ADGRG2: variants seen among roughly 807,000 people sequenced by gnomAD.
ADGRG2 encodes the protein G protein-coupled receptor 64.
ADGRG2 carries 26 observed loss-of-function variants against 74.1 expected under a neutral mutation model. The ratio of observed to expected loss-of-function variants is 0.35; its 90% CI spans 0.26 to 0.49. ADGRG2 has a LOEUF of 0.49. ADGRG2 is among the 20% of genes least tolerant of loss of function. The pLI is 0.99. For synonymous variants in ADGRG2, 296 were observed against 295.2 expected (o/e 1.00, Z -0.03); for missense variants, 619 against 763.1 (o/e 0.81, Z 2.22).
chrX:19,086,503 A>T (rs1262255786), intron 1 of ADGRG2, among the ~76,000 whole-genome samples: 1 of 111,469 alleles, frequency 9.0e-6, no homozygotes, highest in Non-Finnish European at 1.9e-5. Context: ...TAAAAAAGGC[A>T]GGCAGACTTT....
intron 1 of ADGRG2, among the ~76,000 whole-genome samples, chrX:19,107,136 C>T (rs146423516): frequency 2.7e-5 from 3 of 111,607 alleles, no homozygotes; most frequent in Admixed American, 9.5e-5. Context: ...GCAGCTCCCC[C>T]GCCCCAACAG....
In ADGRG2 at chrX:19,030,860, C is replaced by T. The variant is rs1356951966; in HGVS notation, c.358+124G>A. ...GTTTTTATTAGGGACTCCTAGTAGC[C>T]AGGTGGCATGAAAAGAGGCAGCTCC... On this transcript the variant is annotated intron_variant, in intron 9 of 28. Transcript: ENST00000379869. 1.5e-5 allele frequency: 7 copies of T among 452,962 alleles called. No individual in the cohort carries two copies. In the East Asian group the frequency reaches 1.9e-4, roughly 13 times the overall value. 37.3% of individuals were successfully genotyped at this position (452,962 alleles called of 1,213,427 possible).
At chrX:19,063,335 GC>G (rs1429040425) in intron 3 of ADGRG2, among the ~76,000 whole-genome samples, 1 of 111,715 alleles carries the variant, frequency 9.0e-6, no homozygotes, top group Non-Finnish European at 1.9e-5. Context: ...CACTCCCCTA[GC>G]CCTGCACCTC....
intron 1 of ADGRG2, among the ~76,000 whole-genome samples, chrX:19,105,042 T>G (rs1460590730): frequency 9.1e-6 from 1 of 110,496 alleles, no homozygotes; most frequent in East Asian, 2.8e-4. Flanking sequence ...GAGACCAGCC[T>G]GGCCAACATA....
At chrX:19,032,525 A>G (rs187697422) in intron 8 of ADGRG2, 1 of 111,335 alleles carries the variant, frequency 9.0e-6, no homozygotes, top group African/African-American at 3.3e-5. Context: ...GTTTCCAGTG[A>G]TGCGTGTCTT....
At chrX:19,068,642 A>C (rs773825388) in intron 3 of ADGRG2, 75 bp downstream of exon 3, 7 of 473,063 alleles carry the variant, frequency 1.5e-5, no homozygotes, top group East Asian at 3.6e-5. Flanking sequence ...ACAGTAAAAA[A>C]ATCCTAAATA....
In ADGRG2 at chrX:18,989,796, C is replaced by T. The variant is rs1601823406; in HGVS notation, c.*1068G>A. 1 of 112,326 alleles carries T rather than the reference C, an allele frequency of 8.9e-6. No homozygotes were observed. Among genetic ancestry groups the T allele is most frequent in the East Asian group, 2.8e-4 (1 of 3,551 alleles). 9.3% of individuals were successfully genotyped at this position (112,326 alleles called of 1,213,427 possible). A position where few individuals can be genotyped will look rare whatever the true frequency, so the allele number is the denominator to read the frequency against. On this transcript the variant is annotated 3_prime_UTR_variant, in exon 29 of 29. Coordinates refer to ENST00000379869, the MANE Select transcript of ADGRG2 (RefSeq NM_001079858.3). ...CATGCAGTTGCCTTTTAAAGAACGG[C>T]AATATGATTTTTTTCCATATATATG...
intron 8 of ADGRG2, chrX:19,031,940 T>C (rs1216400664): frequency 8.9e-6 from 1 of 112,442 alleles, no homozygotes; most frequent in Non-Finnish European, 1.9e-5. Context: ...TGATAATGTA[T>C]TAAACAAACT....
chrX:19,018,912 G>A (rs1475846680), intron 15 of ADGRG2, among the ~76,000 whole-genome samples: 3 of 111,440 alleles, frequency 2.7e-5, no homozygotes, highest in Non-Finnish European at 3.8e-5. Context: ...GCGCAACCTC[G>A]GCTCACTGCA....
At chrX:19,103,312 A>G (rs1440912591) in intron 1 of ADGRG2, among the ~76,000 whole-genome samples, 4 of 111,890 alleles carry the variant, frequency 3.6e-5, no homozygotes, top group Non-Finnish European at 7.5e-5. Flanking sequence ...TACCCTTTAC[A>G]GTGTAAAAAG....
At chrX:19,030,555 C>A (rs747008675) in intron 9 of ADGRG2, among the ~76,000 whole-genome samples, 1 of 112,024 alleles carries the variant, frequency 8.9e-6, no homozygotes, top group African/African-American at 3.2e-5. Context: ...ACAGGCTGAT[C>A]CGCTTTATTC....
Position 18,991,051 on chromosome X carries a change from G to T in ADGRG2, c.2870-3C>A. On this transcript the variant is annotated splice_polypyrimidine_tract_variant and splice_region_variant and intron_variant, in intron 28 of 28. Coordinates refer to ENST00000379869, the MANE Select transcript of ADGRG2 (RefSeq NM_001079858.3). Reference sequence around the variant, plus strand: ...ATTCCTCTCTGTAGAAGCATTTCCTGTATAAGGAAACACAAAGCGGGTGGC... The same window carrying T: ...ATTCCTCTCTGTAGAAGCATTTCCTTTATAAGGAAACACAAAGCGGGTGGC... The T allele has an allele frequency of 8.8e-7, 1 of 1,137,693 alleles. No individual in the cohort carries two copies. The highest frequency in any genetic ancestry group is 1.2e-6 in the Non-Finnish European group (1 of 847,171). 93.8% of individuals were successfully genotyped at this position (1,137,693 alleles called of 1,213,427 possible). A position where few individuals can be genotyped will look rare whatever the true frequency, so the allele number is the denominator to read the frequency against.
At chrX:19,058,630 G>GT (rs776707773) in intron 3 of ADGRG2, among the ~76,000 whole-genome samples, 11 of 112,190 alleles carry the variant, frequency 9.8e-5, no homozygotes, top group African/African-American at 3.6e-4. Flanking sequence ...CAACATTAGA[G>GT]TAACTTTTAC....
chrX:19,094,776 G>C (rs1243654918), intron 1 of ADGRG2, among the ~76,000 whole-genome samples: 4 of 112,784 alleles, frequency 3.5e-5, no homozygotes, highest in African/African-American at 1.3e-4. Flanking sequence ...AGTTATTTTG[G>C]AAGGCTGGAT....
intron 3 of ADGRG2, among the ~76,000 whole-genome samples, chrX:19,064,903 G>T (rs1299834337): frequency 9.0e-6 from 1 of 111,189 alleles, no homozygotes; most frequent in African/African-American, 3.3e-5. Context: ...TATAGAGTGG[G>T]CTTTAAATGA....
rs2062166103 is a variant in ADGRG2 at position 19,100,251 on chromosome X, G to A, written c.-46-17505C>T. On this transcript the variant is annotated intron_variant, in intron 1 of 28. Coordinates refer to ENST00000379869, the MANE Select transcript of ADGRG2 (RefSeq NM_001079858.3). Reference sequence around the variant, plus strand: ...GTAGAATCCTCAAAAGTTATCATAGGTAAAAATCTGCATTTCCTCTGCAAA... The same window carrying A: ...GTAGAATCCTCAAAAGTTATCATAGATAAAAATCTGCATTTCCTCTGCAAA... Among the ~76,000 whole-genome samples the A allele has an allele frequency of 5.3e-5, 6 of 112,737 alleles. No individual in the cohort carries two copies. In the South Asian group the frequency reaches 2.2e-3, roughly 41 times the overall value.
chrX:19,066,900 G>A (rs1012512758), intron 3 of ADGRG2, among the ~76,000 whole-genome samples: 3 of 111,200 alleles, frequency 2.7e-5, no homozygotes, highest in African/African-American at 9.8e-5. Context: ...AAAATACCAG[G>A]CTGCTTCATC....
At chrX:18,998,658 C>A (rs1057228249) in intron 26 of ADGRG2, among the ~76,000 whole-genome samples, 1 of 99,691 alleles carries the variant, frequency 1.0e-5, no homozygotes, top group Non-Finnish European at 2.0e-5. Flanking sequence ...CTGCGTCCAG[C>A]AAGTCTCTCA....
At chrX:19,089,362 T>G (rs916705669) in intron 1 of ADGRG2, among the ~76,000 whole-genome samples, 11 of 110,908 alleles carry the variant, frequency 9.9e-5, no homozygotes, top group Middle Eastern at 4.6e-3. Context: ...GGTGATGAAA[T>G]AATATGCACA....
Sources: allele counts gnomAD v4.1 joint callset (sites outside exome capture counted in the v4.1 genomes callset), GRCh38; gene constraint gnomAD v4.1.1; transcripts MANE v1.5; gene names NCBI Gene and HGNC (gene_info 2026-07-23, HGNC 2026-07-21).